PPP1R27: variants seen among roughly 807,000 people sequenced by gnomAD.
PPP1R27 encodes protein phosphatase 1 regulatory subunit 27.
In PPP1R27, 10 loss-of-function variants were observed where a neutral mutation model predicts 12.0. The ratio of observed to expected loss-of-function variants is 0.84; its 90% confidence interval spans 0.52 to 1.42. The LOEUF is 1.42. PPP1R27 is among the 40% of genes most tolerant of loss of function. The probability of loss-of-function intolerance (pLI) is 0.00; values close to 1 mark genes in which losing one functional copy is unlikely to be tolerated. For synonymous variants in PPP1R27, 98 were observed against 89.3 expected (o/e 1.10, Z -0.55); for missense variants, 246 against 215.3 (o/e 1.14, Z -0.89).
rs552432896 is a variant in PPP1R27, at chr17:81,833,875, G to C, written c.342-23C>G. 296 of 1,592,094 alleles carry C rather than the reference G, an allele frequency of 1.9e-4. 5 individuals carry two copies. In the South Asian group the frequency reaches 3.0e-3, roughly 16 times the overall value. On this transcript the variant is annotated intron_variant, in intron 2 of 2. Coordinates refer to ENST00000330261, the MANE Select transcript of PPP1R27 (RefSeq NM_001007533.4). Reference sequence around the variant, plus strand: ...TACCTGGGGTGTAAAGGTCGCTCTGGCTGAAGCGGGGAGGAGCCAGGAGAG... The same window carrying C: ...TACCTGGGGTGTAAAGGTCGCTCTGCCTGAAGCGGGGAGGAGCCAGGAGAG...
Position 81,833,742 on chromosome 17 carries a change from G to C in PPP1R27, c.452C>G (p.Thr151Ser). 6.4e-7 allele frequency: 1 copy of C among 1,550,512 alleles called. No individual in the cohort carries two copies. Residue 151 changes from threonine (T) to serine (S), a missense_variant, in exon 3 of 3, where the codon ACC (threonine) becomes AGC (serine). Thr to Ser is a moderately conservative substitution (Grantham distance 58). Coordinates refer to ENST00000330261, the MANE Select transcript of PPP1R27 (RefSeq NM_001007533.4). Reference sequence around the variant, plus strand: ...GGCAAAGCTGGCTCAGTCCATCGTGGTCCCTTTGAAGAGCTCCACCAGCTC... The same window carrying C: ...GGCAAAGCTGGCTCAGTCCATCGTGCTCCCTTTGAAGAGCTCCACCAGCTC... ...YKELVELFKG[T>S]TMD
chr17:81,834,314 C>A, intron 2 of PPP1R27, 189 bp downstream of exon 2: 1 of 617,972 alleles, frequency 1.6e-6, no homozygotes, highest in Non-Finnish European at 2.8e-6. Context: ...GAACTCCTGA[C>A]CTCAGGTGAT....
rs766613314 is a variant in PPP1R27 at position 81,835,000 on chromosome 17, G to A, written c.-47C>T. On this transcript the variant is annotated 5_prime_UTR_variant, in exon 1 of 3. Transcript: ENST00000330261. Reference sequence around the variant, plus strand: ...TGCCCCTGGGGACCCTACTGCACTGGGGTTAATAATGTATCCGGTCCCGAC... The same window carrying A: ...TGCCCCTGGGGACCCTACTGCACTGAGGTTAATAATGTATCCGGTCCCGAC... The A allele has an allele frequency of 1.3e-6, 2 of 1,506,542 alleles. No individual in the cohort carries two copies. Among genetic ancestry groups the A allele is most frequent in the Non-Finnish European group, 1.8e-6 (2 of 1,129,726 alleles). 93.3% of individuals were successfully genotyped at this position (1,506,542 alleles called of 1,614,324 possible). A position where few individuals can be genotyped will look rare whatever the true frequency, so the allele number is the denominator to read the frequency against.
chr17:81,834,344 A>G (rs960184340), intron 2 of PPP1R27, 159 bp downstream of exon 2: 3 of 755,718 alleles, frequency 4.0e-6, no homozygotes, highest in East Asian at 2.7e-5. Flanking sequence ...TCGGCCTCCC[A>G]AAGTGCTGGG....
Position 81,834,860 on chromosome 17 carries a change from C to G in PPP1R27, c.94G>C (p.Val32Leu). 1.9e-6 allele frequency: 3 copies of G among 1,613,558 alleles called. No individual in the cohort carries two copies. Among genetic ancestry groups the G allele is most frequent in the Non-Finnish European group, 2.5e-6 (3 of 1,179,996 alleles). The change falls in exon 1 of 3, where the codon GTC becomes CTC. Residue 32 changes from valine (V) to leucine (L), a missense_variant. By Grantham distance (32) the Val-to-Leu change is conservative. Transcript: ENST00000330261. The stretch of plus-strand genomic sequence containing the variant: ...TGCCGGATGTGGTCCAAGAACAGGA[C>G]ATCATTAGGGAAACGCACGCTGCGA... ...ADRSVRFPNDVLFLDHIRQGD... is the reference protein window; with the variant it reads ...ADRSVRFPNDLLFLDHIRQGD...
Position 81,833,606 on chromosome 17 carries a change from G to A in PPP1R27, c.*123C>T, listed in dbSNP as rs2038571348. 6 of 982,366 alleles carry A rather than the reference G, an allele frequency of 6.1e-6. No individual in the cohort carries two copies. The Admixed American group carries it at 9.0e-5, about 15-fold the overall frequency. The allele number at this position is 982,366 out of a possible 1,614,324, so 60.9% of individuals were successfully genotyped here. ...AAGCCAGGCCTAGGAGGGGTGGCGG[G>A]GTCGTGGAGGGACGGGTCCGGCCGC... On this transcript the variant is annotated 3_prime_UTR_variant, in exon 3 of 3. Coordinates refer to ENST00000330261, the MANE Select transcript of PPP1R27 (RefSeq NM_001007533.4).
At chr17:81,834,200 T>G in intron 2 of PPP1R27, 1 of 457,264 alleles carries the variant, frequency 2.2e-6, no homozygotes, top group Non-Finnish European at 3.9e-6. Context: ...ACTTCCCGGG[T>G]TCAAGTGATT....
chr17:81,834,347 G>A (rs1388448428), intron 2 of PPP1R27, 156 bp downstream of exon 2: 1 of 770,258 alleles, frequency 1.3e-6, no homozygotes, highest in South Asian at 1.8e-5. Flanking sequence ...GCCTCCCAAA[G>A]TGCTGGGATT....
Sources: gnomAD v4.1 joint callset for allele counts on GRCh38, gnomAD v4.1.1 for gene constraint, MANE v1.5 for transcripts, NCBI Gene and HGNC (gene_info 2026-07-23, HGNC 2026-07-21) for gene names.